The following PCDHGB7 variants were observed in gnomAD, a reference collection of about 807,000 sequenced individuals.
PCDHGB7 encodes protocadherin gamma subfamily B, 7, also known as protocadherin gamma-B7.
A neutral mutation model predicts 61.4 loss-of-function variants in PCDHGB7; 37 were observed. The ratio of observed to expected loss-of-function variants is 0.60; its 90% CI spans 0.46 to 0.79. PCDHGB7 has a LOEUF of 0.79. Among genes scored for constraint, PCDHGB7 ranks in the 30% least tolerant of loss-of-function variants. The probability of loss-of-function intolerance (pLI) is 0.00; values close to 1 mark genes in which losing one functional copy is unlikely to be tolerated. For synonymous variants in PCDHGB7, 464 were observed against 503.5 expected (o/e 0.92, Z 1.05); for missense variants, 1,166 against 1,202.5 (o/e 0.97, Z 0.45).
intron 1 of PCDHGB7, chr5:141,478,480 G>T: frequency 2.5e-6 from 4 of 1,613,564 alleles, no homozygotes; most frequent in Non-Finnish European, 3.4e-6. Flanking sequence ...GCCAGAACAC[G>T]CTGCGGAGCT....
intron 1 of PCDHGB7, among the ~76,000 whole-genome samples, chr5:141,462,430 T>C (rs1471523013): frequency 2.0e-5 from 3 of 152,230 alleles, no homozygotes; most frequent in African/African-American, 4.8e-5. Flanking sequence ...TTGGTGAGTG[T>C]TGCTTACACA....
chr5:141,431,547 T>TA lies in PCDHGB7; in HGVS notation c.2415+11274dup. On this transcript the variant is annotated intron_variant, in intron 1 of 3. Transcript: ENST00000398594. The surrounding 1 kb of genome is among the most constrained non-coding windows in gnomAD (Gnocchi z 4.8). ...CTGGCCTTGGGCACGCAGCTGCTTG[T>TA]AGTCAACGCTACCGACCCTGACGAA... 6.2e-7 allele frequency: 1 copy of TA among 1,614,096 alleles called. No individual in the cohort carries two copies. The highest frequency in any genetic ancestry group is 8.5e-7 in the Non-Finnish European group (1 of 1,180,022).
intron 1 of PCDHGB7, chr5:141,426,745 A>G (rs866203428): frequency 6.2e-5 from 28 of 454,130 alleles, no homozygotes; most frequent in Middle Eastern, 6.5e-4. Context: ...TTTGGCCTGG[A>G]ATCTGCTATA....
intron 1 of PCDHGB7, chr5:141,422,893 C>T (rs1405800318): frequency 3.1e-6 from 5 of 1,614,128 alleles, no homozygotes; most frequent in Admixed American, 3.3e-5. Flanking sequence ...CGTGCTGGAC[C>T]AGAACGACAA....
chr5:141,471,786 A>AT (rs531568169), intron 1 of PCDHGB7, among the ~76,000 whole-genome samples: 23 of 152,362 alleles, frequency 1.5e-4, no homozygotes, highest in African/African-American at 5.5e-4. Flanking sequence ...ACATTATGCT[A>AT]TGTCATATAA....
chr5:141,490,313 C>G lies in PCDHGB7; in HGVS notation c.2416-4494C>G. The G allele has an allele frequency of 6.2e-7, 1 of 1,614,222 alleles. No individual in the cohort carries two copies. The highest frequency in any genetic ancestry group is 8.5e-7 in the Non-Finnish European group (1 of 1,180,024). Reference sequence around the variant, plus strand: ...GTGCTATTGGCCTCTTTGGCCAACCCTGTCCTAGAGAGCACACCAGTGGGC... The same window carrying G: ...GTGCTATTGGCCTCTTTGGCCAACCGTGTCCTAGAGAGCACACCAGTGGGC... On this transcript the variant is annotated intron_variant, in intron 1 of 3. Transcript: ENST00000398594. The surrounding 1 kb of genome is among the most constrained non-coding windows in gnomAD (Gnocchi z 5.4).
At chr5:141,478,452 C>T (rs763187393) in intron 1 of PCDHGB7, 1 of 1,613,598 alleles carries the variant, frequency 6.2e-7, no homozygotes, top group Admixed American at 1.7e-5. Context: ...CCTGGTGCAG[C>T]CAGTCCACTG....
rs78612001 is a variant in PCDHGB7 at position 141,432,435 on chromosome 5, C to A, written c.2415+12161C>A. ...TTCGTGCTGGACCAGAACGACAATG[C>A]GCCCGAGATCCTGTACCCCGCCCTC... On this transcript the variant is annotated intron_variant, in intron 1 of 3. Coordinates refer to ENST00000398594, the MANE Select transcript of PCDHGB7 (RefSeq NM_018927.4). The surrounding 1 kb of genome is among the most constrained non-coding windows in gnomAD (Gnocchi z 6.0). The A allele has an allele frequency of 0.027, 43,228 of 1,614,212 alleles. 830 individuals are homozygous for A. The highest frequency in any genetic ancestry group is 0.092 in the African/African-American group (6,903 of 75,054).
chr5:141,428,029 C>T (rs775747505), intron 1 of PCDHGB7: 1 of 1,607,160 alleles, frequency 6.2e-7, no homozygotes, highest in Non-Finnish European at 8.5e-7. Flanking sequence ...GCCGCAGAGT[C>T]CGGCTACCTG....
chr5:141,486,346 C>G lies in PCDHGB7; in HGVS notation c.2416-8461C>G. 1 of 1,614,120 alleles carries G rather than the reference C, an allele frequency of 6.2e-7. No individual in the cohort carries two copies. Among genetic ancestry groups the G allele is most frequent in the East Asian group, 2.2e-5 (1 of 44,874 alleles). ...GAGATGTGAGCCTCCGCATTCCTGA[C>G]CACTTGCCATTTGCCCTCAAGTCTG... On this transcript the variant is annotated intron_variant, in intron 1 of 3. Coordinates refer to ENST00000398594, the MANE Select transcript of PCDHGB7 (RefSeq NM_018927.4). This position sits in a 1 kb window ranked among gnomAD's most constrained non-coding sequence, Gnocchi z 5.0.
In PCDHGB7 at chr5:141,453,101, TTTTTG is replaced by T. The variant is rs879618609; in HGVS notation, c.2415+32852_2415+32856del. ...GTTGATTAGTATATTTTCTGTTGCT[TTTTTG>T]TTTTGTTTTGTTTTGTTTTGTTTTT... On this transcript the variant is annotated intron_variant, in intron 1 of 3. Transcript: ENST00000398594. 4.4e-4 allele frequency among the ~76,000 whole-genome samples: 67 copies of T among 152,130 alleles called. 1 individual carries two copies. Among genetic ancestry groups the T allele is most frequent in the African/African-American group, 1.4e-3 (58 of 41,484 alleles).
rs1426305491 is a variant in PCDHGB7 at position 141,489,758 on chromosome 5, G to A, written c.2416-5049G>A. 1 of 1,614,084 alleles carries A rather than the reference G, an allele frequency of 6.2e-7. No homozygotes were observed. The highest frequency in any genetic ancestry group is 1.7e-5 in the Admixed American group (1 of 60,020). On this transcript the variant is annotated intron_variant, in intron 1 of 3. Coordinates refer to ENST00000398594, the MANE Select transcript of PCDHGB7 (RefSeq NM_018927.4). The surrounding 1 kb of genome is among the most constrained non-coding windows in gnomAD (Gnocchi z 4.5). ...AATACTGTGAGCTTTTACACTCTAAGCCCCAACAGCCACTTCTCTCTGAAT... is the reference window on the plus strand; with the variant it reads ...AATACTGTGAGCTTTTACACTCTAAACCCCAACAGCCACTTCTCTCTGAAT...
Position 141,431,872 on chromosome 5 carries a change from A to G in PCDHGB7, c.2415+11598A>G, listed in dbSNP as rs2097425104. 5 of 1,614,222 alleles carry G rather than the reference A, an allele frequency of 3.1e-6. No individual in the cohort carries two copies. The highest frequency in any genetic ancestry group is 4.2e-6 in the Non-Finnish European group (5 of 1,180,002). ...GGACATTAATTGCCCTTTTAAATGT[A>G]AATGACCAAGATTCTGAGGAAAACG... On this transcript the variant is annotated intron_variant, in intron 1 of 3. Transcript: ENST00000398594. The surrounding 1 kb of genome is among the most constrained non-coding windows in gnomAD (Gnocchi z 4.8).
At chr5:141,495,052 CTGTT>C (rs1406995321) in intron 2 of PCDHGB7, among the ~76,000 whole-genome samples, 187 bp downstream of exon 2, 1 of 152,190 alleles carries the variant, frequency 6.6e-6, no homozygotes, top group Non-Finnish European at 1.5e-5. Context: ...ACTGCCCTGA[CTGTT>C]CAGGAAGCTC....
chr5:141,486,011 T>C lies in PCDHGB7; in HGVS notation c.2416-8796T>C. The C allele has an allele frequency of 6.2e-7, 1 of 1,614,188 alleles. No individual in the cohort carries two copies. Among genetic ancestry groups the C allele is most frequent in the Non-Finnish European group, 8.5e-7 (1 of 1,180,014 alleles). ...GGGTCCCAGTGGTAACGTCACCTTTTATTTCAGTGGTCATACCCCTGATCG... is the reference window on the plus strand; with the variant it reads ...GGGTCCCAGTGGTAACGTCACCTTTCATTTCAGTGGTCATACCCCTGATCG... On this transcript the variant is annotated intron_variant, in intron 1 of 3. Coordinates refer to ENST00000398594, the MANE Select transcript of PCDHGB7 (RefSeq NM_018927.4). This position sits in a 1 kb window ranked among gnomAD's most constrained non-coding sequence, Gnocchi z 5.0.
chr5:141,419,523 G>C lies in PCDHGB7; in HGVS notation c.1664G>C (p.Arg555Pro). The change falls in exon 1 of 4, where the codon CGT (arginine) becomes CCT (proline). Residue 555 changes from arginine to proline, a missense_variant. Physicochemically the swap from Arg to Pro is moderately radical, Grantham distance 103. Coordinates refer to ENST00000398594, the MANE Select transcript of PCDHGB7 (RefSeq NM_018927.4). ...NVSLRVLVGD[R>P]NDNAPRVLYP... is the part of the protein sequence containing the mutation. The stretch of plus-strand genomic sequence containing the variant: ...AGCCTGCGCGTGTTGGTGGGCGACC[G>C]TAACGACAACGCACCGCGGGTGCTG... 1 of 1,612,204 alleles carries C rather than the reference G, an allele frequency of 6.2e-7. No individual in the cohort carries two copies. Among genetic ancestry groups the C allele is most frequent in the Non-Finnish European group, 8.5e-7 (1 of 1,179,512 alleles).
chr5:141,446,757 G>A (rs769049265), intron 1 of PCDHGB7, among the ~76,000 whole-genome samples: 10 of 152,158 alleles, frequency 6.6e-5, no homozygotes, highest in African/African-American at 1.4e-4. Context: ...GTGAGCCACC[G>A]CGCCCAGCCG....
rs147522770 is a variant in PCDHGB7, at chr5:141,504,573, C to T, written c.2475-820C>T. On this transcript the variant is annotated intron_variant, in intron 2 of 3. Coordinates refer to ENST00000398594, the MANE Select transcript of PCDHGB7 (RefSeq NM_018927.4). ...TGGGGGACTGGCATTCTAGGGAACA[C>T]CATCTGCCCAGGATTCACAGCAAGA... Among the ~76,000 whole-genome samples the T allele has an allele frequency of 5.4e-5, 8 of 148,158 alleles. No individual in the cohort carries two copies. In the East Asian group the frequency reaches 1.6e-3, roughly 30 times the overall value.
chr5:141,501,296 C>T (rs4912760), intron 2 of PCDHGB7, among the ~76,000 whole-genome samples: 1,659 of 80,026 alleles, frequency 0.021, 16 homozygotes, highest in African/African-American at 0.042. Flanking sequence ...CTTATACACA[C>T]ACACACACAC....
Sources: gnomAD v4.1 joint callset for allele counts (sites outside exome capture counted in the v4.1 genomes callset) on GRCh38, gnomAD v4.1.1 for gene constraint, Gnocchi (gnomAD v3.1) non-coding constraint, MANE v1.5 for transcripts, NCBI Gene and HGNC (gene_info 2026-07-23, HGNC 2026-07-21) for gene names.